Variants in KBTBD2 observed in about 807,000 individuals in gnomAD.
The protein encoded by KBTBD2 is kelch repeat and BTB domain-containing protein 2.
In KBTBD2, 17 loss-of-function variants were observed where a neutral mutation model predicts 57.1. The ratio of observed to expected loss-of-function variants is 0.30; its 90% CI spans 0.20 to 0.45. The LOEUF is 0.45. Among genes scored for constraint, KBTBD2 ranks in the 20% least tolerant of loss-of-function variants. The probability of loss-of-function intolerance (pLI) is 1.00; values close to 1 mark genes in which losing one functional copy is unlikely to be tolerated. For synonymous variants in KBTBD2, 267 were observed against 262.7 expected, an observed-to-expected ratio of 1.02 and a Z score of -0.16; for missense variants, 515 against 750.6, an observed-to-expected ratio of 0.69 and a Z score of 3.67.
At chr7:32,885,771 GTACA>G (rs911772771) in intron 1 of KBTBD2, among the ~76,000 whole-genome samples, 1 of 152,138 alleles carries the variant, frequency 6.6e-6, no homozygotes, top group African/African-American at 2.4e-5. Flanking sequence ...CATAAAAAGT[GTACA>G]TATTCTTACT....
chr7:32,887,949 A>G (rs573828360), intron 1 of KBTBD2, among the ~76,000 whole-genome samples: 3 of 141,286 alleles, frequency 2.1e-5, no homozygotes, highest in African/African-American at 7.8e-5. Context: ...CACTACACAG[A>G]TATTCGAAAT....
rs1784068244 is a variant in KBTBD2, at chr7:32,868,174, G to C, written c.*1171C>G. 6.6e-6 allele frequency: 1 copy of C among 152,478 alleles called. No homozygotes were observed. The highest frequency in any genetic ancestry group is 2.1e-4 in the South Asian group (1 of 4,822). The allele number at this position is 152,478 out of a possible 1,614,324, so 9.4% of individuals were successfully genotyped here. A position where few individuals can be genotyped will look rare whatever the true frequency, so the allele number is the denominator to read the frequency against. ...CCATAACAAAAGAAAAATAGATATT[G>C]AATATATACAATTTATTTAATAAAT... On this transcript the variant is annotated 3_prime_UTR_variant, in exon 4 of 4. Transcript: ENST00000304056.
intron 1 of KBTBD2, among the ~76,000 whole-genome samples, chr7:32,884,183 T>A (rs1784510537): frequency 6.6e-6 from 1 of 152,068 alleles, no homozygotes; most frequent in African/African-American, 2.4e-5. Flanking sequence ...CCTTCTGGAT[T>A]TTCTTAATAT....
chr7:32,869,317 T>C lies in KBTBD2; in HGVS notation c.*28A>G. On this transcript the variant is annotated 3_prime_UTR_variant, in exon 4 of 4. Transcript: ENST00000304056. Reference sequence around the variant, plus strand: ...CAAAGAAAATGACAAAGCACATAACTCAGGCGTGCACTCCCTGAACTTCCC... The same window carrying C: ...CAAAGAAAATGACAAAGCACATAACCCAGGCGTGCACTCCCTGAACTTCCC... 1 of 1,477,906 alleles carries C rather than the reference T, an allele frequency of 6.8e-7. No homozygotes were observed. Among genetic ancestry groups the C allele is most frequent in the East Asian group, 2.3e-5 (1 of 43,956 alleles). The allele number at this position is 1,477,906 out of a possible 1,614,324, so 91.5% of individuals were successfully genotyped here.
In KBTBD2 at chr7:32,870,005, A is replaced by G. The variant is rs762045488; in HGVS notation, c.1212T>C (p.Thr404=). The G allele has an allele frequency of 1.2e-6, 2 of 1,614,006 alleles. No individual in the cohort carries two copies. Among genetic ancestry groups the G allele is most frequent in the Non-Finnish European group, 1.7e-6 (2 of 1,179,990 alleles). Residue 404 remains threonine, a synonymous_variant, in exon 4 of 4, where the codon ACT becomes ACC. Coordinates refer to ENST00000304056, the MANE Select transcript of KBTBD2 (RefSeq NM_015483.3). Reference sequence around the variant, plus strand: ...TTACCATCGTCCACTCATCTTTCTCAGTGTCGTATCTTTCTACGGTCCTCC... The same window carrying G: ...TTACCATCGTCCACTCATCTTTCTCGGTGTCGTATCTTTCTACGGTCCTCC... The part of the protein sequence containing the change: ...LNRRTVERYD[T]EKDEWTMVSP...
In KBTBD2 at chr7:32,870,747, T is replaced by C; in HGVS notation, c.470A>G (p.Glu157Gly). 1 of 1,614,228 alleles carries C rather than the reference T, an allele frequency of 6.2e-7. No homozygotes were observed. Among genetic ancestry groups the C allele is most frequent in the Non-Finnish European group, 8.5e-7 (1 of 1,180,034 alleles). The change falls in exon 4 of 4, where the codon GAG becomes GGG. Residue 157 changes from glutamate to glycine, a missense_variant. Transcript: ENST00000304056. Reference protein sequence around the residue: ...ELKQSAKRMVEHKFTAVYHQD... With the variant: ...ELKQSAKRMVGHKFTAVYHQD... Reference sequence around the variant, plus strand: ...ATGATACACAGCAGTGAACTTGTGCTCCACCATTCTTTTAGCACTCTGTTT... The same window carrying C: ...ATGATACACAGCAGTGAACTTGTGCCCCACCATTCTTTTAGCACTCTGTTT...
intron 1 of KBTBD2, among the ~76,000 whole-genome samples, chr7:32,885,909 CTTTT>C (rs10671216): frequency 7.1e-6 from 1 of 141,612 alleles, no homozygotes; most frequent in African/African-American, 2.6e-5. Context: ...TGTCTACACA[CTTTT>C]TTTTTTTTTT....
intron 3 of KBTBD2, 137 bp from the exon 4 acceptor site, chr7:32,871,017 T>TA (rs1164413401): frequency 1.7e-6 from 1 of 581,704 alleles, no homozygotes; most frequent in African/African-American, 1.9e-5. Context: ...TGGGCTGAGA[T>TA]AAGGTCTTCT....
chr7:32,880,562 AC>A (rs1784421709), intron 1 of KBTBD2, among the ~76,000 whole-genome samples: 1 of 151,536 alleles, frequency 6.6e-6, no homozygotes, highest in Non-Finnish European at 1.5e-5. Flanking sequence ...AAAAAAAAAA[AC>A]ATAAAATGTA....
intron 1 of KBTBD2, among the ~76,000 whole-genome samples, chr7:32,890,248 A>G (rs886283806): frequency 6.6e-6 from 1 of 152,244 alleles, no homozygotes; most frequent in African/African-American, 2.4e-5. Flanking sequence ...GGCTTCAATA[A>G]GCACTAAGCC....
upstream of KBTBD2, chr7:32,892,006 T>TCGCG (rs200619313): frequency 4.8e-5 from 7 of 146,798 alleles, no homozygotes; most frequent in Non-Finnish European, 7.5e-5. Flanking sequence ...CCCTCCCGCC[T>TCGCG]CGCGCGCGCG....
intron 1 of KBTBD2, among the ~76,000 whole-genome samples, chr7:32,887,376 A>G (rs1403219044): frequency 5.9e-5 from 9 of 152,224 alleles, no homozygotes; most frequent in African/African-American, 2.2e-4. Context: ...CAAAACTGCT[A>G]AAGATTCTAA....
chr7:32,880,772 C>T (rs1261810841), intron 1 of KBTBD2, among the ~76,000 whole-genome samples: 1 of 152,012 alleles, frequency 6.6e-6, no homozygotes, highest in African/African-American at 2.4e-5. Context: ...ATTAAATGTA[C>T]TATAAAACTG....
chr7:32,883,288 T>A (rs1784487958), intron 1 of KBTBD2, among the ~76,000 whole-genome samples: 1 of 152,048 alleles, frequency 6.6e-6, no homozygotes, highest in South Asian at 2.1e-4. Flanking sequence ...TGAGGCTGCT[T>A]CAAGCTGAAA....
intron 1 of KBTBD2, among the ~76,000 whole-genome samples, chr7:32,889,811 T>A (rs1204276145): frequency 6.6e-6 from 1 of 152,310 alleles, no homozygotes; most frequent in East Asian, 1.9e-4. Flanking sequence ...GGGGACTCTT[T>A]TCTAAATGTG....
chr7:32,883,704 A>AATTGTTG (rs1353769946), intron 1 of KBTBD2, among the ~76,000 whole-genome samples: 1 of 152,218 alleles, frequency 6.6e-6, no homozygotes, highest in African/African-American at 2.4e-5. Context: ...GTATCAAGGA[A>AATTGTTG]ACTGTTGACT....
chr7:32,888,823 C>T (rs1160124743), intron 1 of KBTBD2, among the ~76,000 whole-genome samples: 2 of 152,044 alleles, frequency 1.3e-5, no homozygotes, highest in African/African-American at 4.8e-5. Context: ...ACGCTCAGCA[C>T]CCTAAGTAAA....
chr7:32,882,985 AAAAAC>A lies in KBTBD2; in HGVS notation c.-338-3048_-338-3044del, dbSNP rs1197805385. Among the ~76,000 whole-genome samples, 7 of 152,340 alleles carry A rather than the reference AAAAAC, an allele frequency of 4.6e-5. No homozygotes were observed. In the South Asian group the frequency reaches 6.2e-4, roughly 14 times the overall value. Reference sequence around the variant, plus strand: ...AAGTCACAGAGCAAGACTCCGTCTCAAAAACAAAACAAAACAAAAACAAAAAATAA... The same window carrying A: ...AAGTCACAGAGCAAGACTCCGTCTCAAAAACAAAACAAAAACAAAAAATAA... On this transcript the variant is annotated intron_variant, in intron 1 of 3. Transcript: ENST00000304056.
At chr7:32,876,593 C>T (rs868338873) in intron 2 of KBTBD2, among the ~76,000 whole-genome samples, 51 of 152,120 alleles carry the variant, frequency 3.4e-4, no homozygotes, top group African/African-American at 1.2e-3. Context: ...GGAAAACTGG[C>T]TATCAGGCTA....
Sources: gnomAD v4.1 joint callset for allele counts (sites outside exome capture counted in the v4.1 genomes callset) on GRCh38, gnomAD v4.1.1 for gene constraint, MANE v1.5 for transcripts, NCBI Gene and HGNC (gene_info 2026-07-23, HGNC 2026-07-21) for gene names.